Variants in POU6F2 observed in about 807,000 individuals in gnomAD.
The protein encoded by POU6F2 is POU class 6 homeobox 2.
A neutral mutation model predicts 71.3 loss-of-function variants in POU6F2; 31 were observed. The ratio of observed to expected loss-of-function variants is 0.43; its 90% confidence interval spans 0.33 to 0.59. The LOEUF is 0.59. POU6F2 is among the 20% of genes least tolerant of loss of function. The probability of loss-of-function intolerance (pLI) is 0.04; values close to 1 mark genes in which losing one functional copy is unlikely to be tolerated. For missense variants in POU6F2, 783 were observed against 856.8 expected (o/e 0.91, Z 1.07); for synonymous variants, 347 against 355.7 (o/e 0.98, Z 0.27).
chr7:39,359,531 G>T (rs1361420889), intron 5 of POU6F2, among the ~76,000 whole-genome samples: 1 of 152,068 alleles, frequency 6.6e-6, no homozygotes, highest in Non-Finnish European at 1.5e-5. Context: ...ATGGAAATAG[G>T]AAAATTGGTA....
At chr7:38,993,589 A>G (rs1200352652) in intron 1 of POU6F2, among the ~76,000 whole-genome samples, 2 of 150,514 alleles carry the variant, frequency 1.3e-5, no homozygotes, top group African/African-American at 4.9e-5. Flanking sequence ...ATCAACACTG[A>G]TATTTGAATT....
rs1253561904 is a variant in POU6F2 at position 39,015,619 on chromosome 7, ACAT to A, written c.105+37562_105+37564del. Among the ~76,000 whole-genome samples, 447 of 79,116 alleles carry A rather than the reference ACAT, an allele frequency of 5.6e-3. 1 individual carries two copies. The highest frequency in any genetic ancestry group is 7.8e-3 in the Non-Finnish European group (316 of 40,478). 51.9% of individuals were successfully genotyped at this position (79,116 alleles called of 152,430 possible). On this transcript the variant is annotated intron_variant, in intron 1 of 9. Transcript: ENST00000518318. ...ATATATCTATGTTTTATATAGATCT[ACAT>A]TATAGATATATCTATGTTATATATA...
In POU6F2 at chr7:39,126,029, G is replaced by A. The variant is rs567414977; in HGVS notation, c.277+39998G>A. ...GACTGAAATGGGATCCATTGCCACC[G>A]GGAGCTTTTAATTTCTTTACATTGT... On this transcript the variant is annotated intron_variant, in intron 2 of 9. Transcript: ENST00000518318. 1.7e-3 allele frequency among the ~76,000 whole-genome samples: 266 copies of A among 152,250 alleles called. 3 individuals carry two copies. Among genetic ancestry groups the A allele is most frequent in the African/African-American group, 5.9e-3 (245 of 41,534 alleles).
chr7:39,087,311 A>G (rs1791274724), intron 2 of POU6F2, among the ~76,000 whole-genome samples: 1 of 151,952 alleles, frequency 6.6e-6, no homozygotes, highest in Non-Finnish European at 1.5e-5. Flanking sequence ...CATTAGAGAG[A>G]TGTCACAGAG....
chr7:39,463,773 G>C (rs1231445000), intron 9 of POU6F2, among the ~76,000 whole-genome samples: 1 of 152,196 alleles, frequency 6.6e-6, no homozygotes, highest in Non-Finnish European at 1.5e-5. Flanking sequence ...TTAAATGAAA[G>C]AATGTGACAA....
In POU6F2 at chr7:39,156,854, C is replaced by A. The variant is rs567541277; in HGVS notation, c.278-47381C>A. ...CTGGGGAGGAATGTCTAGATTTCAA[C>A]CATGCACCACATACGTGCACAAACC... is the stretch of plus-strand genomic sequence containing the variant. On this transcript the variant is annotated intron_variant, in intron 2 of 9. Transcript: ENST00000518318. 1.5e-4 allele frequency among the ~76,000 whole-genome samples: 23 copies of A among 152,302 alleles called. No individual in the cohort carries two copies. In the East Asian group the frequency reaches 4.4e-3, roughly 29 times the overall value.
intron 3 of POU6F2, among the ~76,000 whole-genome samples, chr7:39,206,852 A>G (rs984640967): frequency 2.6e-5 from 4 of 152,200 alleles, no homozygotes; most frequent in African/African-American, 9.7e-5. Context: ...GCTCTTGATA[A>G]TCTATTTCTA....
intron 5 of POU6F2, among the ~76,000 whole-genome samples, chr7:39,369,213 G>A (rs191180339): frequency 3.9e-5 from 6 of 152,246 alleles, no homozygotes; most frequent in African/African-American, 1.4e-4. Flanking sequence ...GTTCTACTGT[G>A]GGTAAAATTA....
chr7:39,050,656 G>C (rs1562685994), intron 1 of POU6F2, among the ~76,000 whole-genome samples: 1 of 152,070 alleles, frequency 6.6e-6, no homozygotes, highest in African/African-American at 2.4e-5. Context: ...GTTGCTTATT[G>C]TTGACATCTC....
intron 6 of POU6F2, among the ~76,000 whole-genome samples, chr7:39,418,722 A>G (rs1787744254): frequency 6.6e-6 from 1 of 150,786 alleles, no homozygotes; most frequent in African/African-American, 2.4e-5. Flanking sequence ...AGAAAAGTTA[A>G]CCAACTTTCC....
Position 39,018,930 on chromosome 7 carries a change from A to T in POU6F2, c.105+40872A>T, listed in dbSNP as rs140466154. Reference sequence around the variant, plus strand: ...TAGAATTCATTTGCTTCTTGGAAACACTCCTTCTGATTTCCCTGCCTCCTT... The same window carrying T: ...TAGAATTCATTTGCTTCTTGGAAACTCTCCTTCTGATTTCCCTGCCTCCTT... On this transcript the variant is annotated intron_variant, in intron 1 of 9. Coordinates refer to ENST00000518318, the MANE Select transcript of POU6F2 (RefSeq NM_001370959.1). 8.2e-3 allele frequency among the ~76,000 whole-genome samples: 1,251 copies of T among 151,982 alleles called. 10 individuals carry two copies. The highest frequency in any genetic ancestry group is 0.013 in the Non-Finnish European group (899 of 67,940).
chr7:39,285,024 G>A (rs13246666), intron 4 of POU6F2, among the ~76,000 whole-genome samples: 1 of 152,202 alleles, frequency 6.6e-6, no homozygotes, highest in Non-Finnish European at 1.5e-5. Flanking sequence ...CAAGCCCACA[G>A]CTTGCATCCC....
intron 5 of POU6F2, among the ~76,000 whole-genome samples, chr7:39,356,562 A>G (rs1340686563): frequency 6.6e-6 from 1 of 152,210 alleles, no homozygotes; most frequent in Non-Finnish European, 1.5e-5. Context: ...AAGCCCCTTA[A>G]GAACAGACAC....
At chr7:39,298,686 C>T (rs561832684) in intron 4 of POU6F2, among the ~76,000 whole-genome samples, 1 of 152,272 alleles carries the variant, frequency 6.6e-6, no homozygotes, top group South Asian at 2.1e-4. Context: ...AATTATTCTA[C>T]TATAAAGACA....
intron 1 of POU6F2, among the ~76,000 whole-genome samples, chr7:39,064,355 T>C (rs1357720259): frequency 1.3e-5 from 2 of 151,434 alleles, no homozygotes; most frequent in African/African-American, 2.4e-5. Flanking sequence ...ACTATGAGAG[T>C]TGAAAATGAA....
chr7:39,436,398 G>A (rs953915362), intron 7 of POU6F2, among the ~76,000 whole-genome samples: 1 of 152,040 alleles, frequency 6.6e-6, no homozygotes, highest in Non-Finnish European at 1.5e-5. Context: ...GTGAATGGGA[G>A]TTCATTCATG....
At position 39,231,009 on chromosome 7, in the gene POU6F2, G is replaced by T. The variant is rs527258666; in HGVS notation, c.598+23389G>T. On this transcript the variant is annotated intron_variant, in intron 4 of 9. Coordinates refer to ENST00000518318, the MANE Select transcript of POU6F2 (RefSeq NM_001370959.1). ...TTTGTTGTTGTAATTGGTGGTGGTG[G>T]TGCTACTGGCATCTAGAGGGTAGAG... is the stretch of plus-strand genomic sequence containing the variant. Among the ~76,000 whole-genome samples, 12 of 152,254 alleles carry T rather than the reference G, an allele frequency of 7.9e-5. No individual in the cohort carries two copies. The East Asian group carries it at 2.3e-3, about 29-fold the overall frequency.
At chr7:39,340,094 AG>A (rs1001765664) in intron 5 of POU6F2, 79 bp downstream of exon 5, 24 of 1,438,554 alleles carry the variant, frequency 1.7e-5, no homozygotes, top group Middle Eastern at 1.8e-4. Flanking sequence ...CCAAAGGCAG[AG>A]GGACCACACA....
intron 2 of POU6F2, among the ~76,000 whole-genome samples, chr7:39,102,461 G>A (rs1791594731): frequency 6.6e-6 from 1 of 152,076 alleles, no homozygotes; most frequent in African/African-American, 2.4e-5. Context: ...ACAGACAATA[G>A]ATCTTGCATA....
Sources: allele counts gnomAD v4.1 joint callset (sites outside exome capture counted in the v4.1 genomes callset), GRCh38; gene constraint gnomAD v4.1.1; transcripts MANE v1.5; gene names NCBI Gene and HGNC (gene_info 2026-07-23, HGNC 2026-07-21).